Variants in AGBL4 observed in about 807,000 individuals in gnomAD.
The protein encoded by AGBL4 is cytosolic carboxypeptidase 6.
A neutral mutation model predicts 66.4 loss-of-function variants in AGBL4; 58 were observed. That is an observed-to-expected ratio of 0.87 (90% CI 0.71 to 1.09). AGBL4 has a LOEUF of 1.09. Among genes scored for constraint, AGBL4 ranks in the 50% least tolerant of loss-of-function variants. The pLI, the probability that AGBL4 is intolerant of heterozygous loss-of-function variation, is 0.00. For missense variants in AGBL4, 579 were observed against 631.0 expected, an observed-to-expected ratio of 0.92 and a Z score of 0.88; for synonymous variants, 234 against 222.9, an observed-to-expected ratio of 1.05 and a Z score of -0.44.
At chr1:49,517,335 T>G (rs1450237151) in intron 3 of AGBL4, among the ~76,000 whole-genome samples, 1 of 151,790 alleles carries the variant, frequency 6.6e-6, no homozygotes, top group Non-Finnish European at 1.5e-5. Flanking sequence ...AAAATCAGTA[T>G]TACCAGGGTA....
intron 6 of AGBL4, among the ~76,000 whole-genome samples, chr1:48,820,080 C>A (rs912134155): frequency 8.5e-5 from 13 of 152,138 alleles, no homozygotes; most frequent in Non-Finnish European, 1.9e-4. Context: ...ATTATTATTT[C>A]TACTTTACAG....
intron 3 of AGBL4, among the ~76,000 whole-genome samples, chr1:49,590,693 A>G (rs1458807872): frequency 6.6e-6 from 1 of 152,108 alleles, no homozygotes; most frequent in Non-Finnish European, 1.5e-5. Context: ...TCCTCATGAA[A>G]CTTCAGTCCA....
At chr1:49,831,535 T>A (rs907318896) in intron 2 of AGBL4, among the ~76,000 whole-genome samples, 2 of 152,236 alleles carry the variant, frequency 1.3e-5, no homozygotes, top group African/African-American at 4.8e-5. Context: ...TTTCTAAATA[T>A]ACAATCATGT....
chr1:49,021,316 T>A (rs1178394147), intron 5 of AGBL4, among the ~76,000 whole-genome samples: 1 of 152,170 alleles, frequency 6.6e-6, no homozygotes, highest in Non-Finnish European at 1.5e-5. Context: ...TGAATTAAGA[T>A]AAAAGTAGAG....
chr1:49,521,890 A>G (rs889940766), intron 3 of AGBL4, among the ~76,000 whole-genome samples: 4 of 140,794 alleles, frequency 2.8e-5, no homozygotes, highest in African/African-American at 7.6e-5. Flanking sequence ...AATGAGAACA[A>G]TAGACATTGG....
At chr1:49,991,578 T>C (rs1659944719) in intron 1 of AGBL4, among the ~76,000 whole-genome samples, 2 of 152,182 alleles carry the variant, frequency 1.3e-5, no homozygotes, top group Admixed American at 6.6e-5. Flanking sequence ...TTATCTCCTC[T>C]CCTGATTCTC....
chr1:49,204,530 T>G (rs865811671), intron 4 of AGBL4, among the ~76,000 whole-genome samples: 1 of 152,130 alleles, frequency 6.6e-6, no homozygotes, highest in South Asian at 2.1e-4. Flanking sequence ...TCCTCCCACT[T>G]TGGCCTCCCA....
At chr1:49,709,361 G>A (rs541857509) in intron 2 of AGBL4, among the ~76,000 whole-genome samples, 6 of 152,282 alleles carry the variant, frequency 3.9e-5, no homozygotes, top group Admixed American at 3.3e-4. Context: ...ATACTGTGAG[G>A]GAAAAACCAC....
intron 6 of AGBL4, among the ~76,000 whole-genome samples, chr1:48,717,995 T>C (rs1647080166): frequency 1.3e-5 from 2 of 152,340 alleles, no homozygotes; most frequent in South Asian, 4.1e-4. Flanking sequence ...AACTGAATAA[T>C]TTCCTGATTC....
intron 6 of AGBL4, among the ~76,000 whole-genome samples, chr1:48,724,637 G>C (rs1306829612): frequency 2.6e-5 from 4 of 152,142 alleles, no homozygotes. Flanking sequence ...GACTACATGA[G>C]ATACATCAGA....
intron 2 of AGBL4, among the ~76,000 whole-genome samples, chr1:49,740,118 A>C (rs1042303711): frequency 6.6e-6 from 1 of 152,220 alleles, no homozygotes; most frequent in Non-Finnish European, 1.5e-5. Context: ...TTGGATAAAG[A>C]GGCAAGATCC....
chr1:49,695,389 T>C (rs888835485), intron 3 of AGBL4, among the ~76,000 whole-genome samples: 3 of 152,134 alleles, frequency 2.0e-5, no homozygotes, highest in African/African-American at 7.2e-5. Flanking sequence ...CTCAGTCTAG[T>C]ACATGTGACT....
intron 1 of AGBL4, among the ~76,000 whole-genome samples, chr1:50,022,525 C>T (rs1662519075): frequency 6.6e-6 from 1 of 151,704 alleles, no homozygotes; most frequent in South Asian, 2.1e-4. Flanking sequence ...TAATGAAGGC[C>T]TTGAGACATA....
chr1:49,516,012 C>T (rs1298070971), intron 3 of AGBL4, among the ~76,000 whole-genome samples: 1 of 149,862 alleles, frequency 6.7e-6, no homozygotes, highest in Non-Finnish European at 1.5e-5. Flanking sequence ...ACGTTGTGCA[C>T]ATGTACCCTA....
At chr1:48,940,996 A>C (rs927298280) in intron 5 of AGBL4, among the ~76,000 whole-genome samples, 17 of 152,158 alleles carry the variant, frequency 1.1e-4, no homozygotes, top group Non-Finnish European at 2.5e-4. Context: ...GGGCAGGCAG[A>C]GAAAGGGGAG....
chr1:49,019,786 T>A (rs1224194491), intron 5 of AGBL4, among the ~76,000 whole-genome samples: 2 of 152,232 alleles, frequency 1.3e-5, no homozygotes, highest in African/African-American at 4.8e-5. Flanking sequence ...CACAGACTTT[T>A]GAGACAAATT....
At chr1:49,396,200 C>T (rs1570614811) in intron 3 of AGBL4, among the ~76,000 whole-genome samples, 1 of 151,980 alleles carries the variant, frequency 6.6e-6, no homozygotes, top group South Asian at 2.1e-4. Context: ...TATTGATACA[C>T]AAAGCATCTT....
At chr1:48,962,124 TC>T (rs1658048115) in intron 5 of AGBL4, among the ~76,000 whole-genome samples, 1 of 149,602 alleles carries the variant, frequency 6.7e-6, no homozygotes, top group South Asian at 2.1e-4. Context: ...CATCCATCCA[TC>T]CGTCCATCCA....
intron 3 of AGBL4, among the ~76,000 whole-genome samples, chr1:49,458,163 T>C (rs1478899943): frequency 1.3e-5 from 2 of 151,884 alleles, no homozygotes; most frequent in Non-Finnish European, 2.9e-5. Flanking sequence ...TTTCACAATA[T>C]TGATTGTACC....
Sources: gnomAD v4.1 joint callset for allele counts (sites outside exome capture counted in the v4.1 genomes callset) on GRCh38, gnomAD v4.1.1 for gene constraint, MANE v1.5 for transcripts, NCBI Gene and HGNC (gene_info 2026-07-23, HGNC 2026-07-21) for gene names.